The following FBXO34 variants were observed in gnomAD, a reference collection of about 807,000 sequenced individuals.
FBXO34 encodes F-box only protein 34.
FBXO34 carries 12 observed loss-of-function variants against 24.5 expected under a neutral mutation model. The observed-to-expected ratio is 0.49, with a 90% CI of 0.31 to 0.79. The LOEUF is 0.79. FBXO34 is among the 30% of genes least tolerant of loss of function. The pLI, the probability that FBXO34 is intolerant of heterozygous loss-of-function variation, is 0.04. For missense variants in FBXO34, 823 were observed against 857.7 expected (o/e 0.96, Z 0.51); for synonymous variants, 320 against 311.9 (o/e 1.03, Z -0.27).
rs35698574 is a variant in FBXO34, at chr14:55,331,761, GTATA to G, written c.-10-18605_-10-18602del. Among the ~76,000 whole-genome samples the G allele has an allele frequency of 3.0e-4, 9 of 29,998 alleles. 1 individual carries two copies. In the African/African-American group the frequency reaches 3.7e-3, roughly 12 times the overall value. 19.7% of individuals were successfully genotyped at this position (29,998 alleles called of 152,430 possible). ...TATATGTGTGTATATATATATATAT[GTATA>G]TATATATATATATACCACCATGGTG... On this transcript the variant is annotated intron_variant, in intron 1 of 1. Transcript: ENST00000313833.
intron 1 of FBXO34, chr14:55,318,045 C>T (rs1469218849): frequency 6.6e-6 from 1 of 152,010 alleles, no homozygotes; most frequent in Non-Finnish European, 1.5e-5. Context: ...TTCCCTGATG[C>T]TTACCTTAGG....
chr14:55,362,233 G>A (rs1011242542), downstream of FBXO34, among the ~76,000 whole-genome samples: 7 of 152,200 alleles, frequency 4.6e-5, no homozygotes, highest in Non-Finnish European at 8.8e-5. Flanking sequence ...GGAACAGGAG[G>A]TCAGTGTAGC....
intron 1 of FBXO34, among the ~76,000 whole-genome samples, chr14:55,329,212 A>G (rs150651502): frequency 6.9e-6 from 1 of 145,196 alleles, no homozygotes; most frequent in East Asian, 2.0e-4. Flanking sequence ...AATTGTTTCA[A>G]TTTAATTTTA....
downstream of FBXO34, among the ~76,000 whole-genome samples, chr14:55,372,314 C>G (rs1884837929): frequency 6.6e-6 from 1 of 152,130 alleles, no homozygotes; most frequent in East Asian, 1.9e-4. Flanking sequence ...CCTCCTCTTG[C>G]TGGAGAGCTG....
At chr14:55,289,500 G>A (rs17672950) in intron 1 of FBXO34, among the ~76,000 whole-genome samples, 8,832 of 151,944 alleles carry the variant, frequency 0.058, 326 homozygotes, top group South Asian at 0.089. Context: ...CTATTCTTCC[G>A]GTATACGATT....
rs577316123 is a variant in FBXO34, at chr14:55,341,090, G to A, written c.-10-9291G>A. ...CGATAAGTATAGGGATCACTGCAGC[G>A]GGGTCTTGCAGCAAAGGAAAGAGGT... On this transcript the variant is annotated intron_variant, in intron 1 of 1. Transcript: ENST00000313833. Among the ~76,000 whole-genome samples, 5 of 152,244 alleles carry A rather than the reference G, an allele frequency of 3.3e-5. No homozygotes were observed. The East Asian group carries it at 5.8e-4, about 18-fold the overall frequency.
At chr14:55,310,187 A>T (rs1044052338) in intron 1 of FBXO34, among the ~76,000 whole-genome samples, 2 of 152,152 alleles carry the variant, frequency 1.3e-5, no homozygotes, top group Non-Finnish European at 2.9e-5. Flanking sequence ...TAGAATGGAG[A>T]AGAGATTAGT....
At chr14:55,283,978 G>T (rs9743948) in intron 1 of FBXO34, among the ~76,000 whole-genome samples, 24 of 140,400 alleles carry the variant, frequency 1.7e-4, no homozygotes, top group African/African-American at 8.1e-5. Context: ...GTGTGTGTCT[G>T]TGTGTGTGTG....
chr14:55,408,311 T>G, the FBXO34 span, among the ~76,000 whole-genome samples: 1 of 151,952 alleles, frequency 6.6e-6, no homozygotes, highest in East Asian at 1.9e-4. Context: ...AAAAACTAGT[T>G]AGGCGTGTTG....
At chr14:55,411,690 G>T in the FBXO34 span, 1 of 1,613,158 alleles carries the variant, frequency 6.2e-7, no homozygotes, top group Non-Finnish European at 8.5e-7. Flanking sequence ...GTGTTGCACA[G>T]CGGGCAGCGC....
the FBXO34 span, among the ~76,000 whole-genome samples, chr14:55,429,761 C>T: frequency 2.0e-4 from 22 of 107,808 alleles, no homozygotes; most frequent in African/African-American, 8.0e-4. Context: ...AGTGAAACTC[C>T]GTCTCAAAAA....
intron 1 of FBXO34, among the ~76,000 whole-genome samples, chr14:55,302,605 C>T (rs1302005577): frequency 6.6e-6 from 1 of 151,726 alleles, no homozygotes; most frequent in African/African-American, 2.4e-5. Context: ...TTATCTTGTT[C>T]GGGGGCAGGG....
At chr14:55,299,156 C>T (rs1882251907) in intron 1 of FBXO34, 20 of 1,129,360 alleles carry the variant, frequency 1.8e-5, no homozygotes, top group African/African-American at 3.1e-5. Flanking sequence ...TGCTGGAAGT[C>T]AGTGGCCCCG....
the FBXO34 span, among the ~76,000 whole-genome samples, chr14:55,381,577 T>G: frequency 3.3e-5 from 5 of 152,340 alleles, no homozygotes; most frequent in Non-Finnish European, 7.3e-5. Flanking sequence ...TAAAAACGAA[T>G]GAAACACTAA....
chr14:55,408,172 G>C, the FBXO34 span, among the ~76,000 whole-genome samples: 7 of 152,170 alleles, frequency 4.6e-5, no homozygotes, highest in Non-Finnish European at 2.9e-5. Context: ...CTTGCTCAGG[G>C]CCAGGCATGG....
At chr14:55,376,013 A>G in the FBXO34 span, among the ~76,000 whole-genome samples, 1 of 152,218 alleles carries the variant, frequency 6.6e-6, no homozygotes, top group African/African-American at 2.4e-5. Context: ...TCTCTTTGGC[A>G]TCTATCAGGT....
chr14:55,383,597 C>A, the FBXO34 span, among the ~76,000 whole-genome samples: 46,356 of 148,564 alleles, frequency 0.31, 7,371 homozygotes, highest in Non-Finnish European at 0.34. Flanking sequence ...ACAAAAAAAA[C>A]CCCCAAGAAC....
At chr14:55,431,804 T>C in the FBXO34 span, among the ~76,000 whole-genome samples, 1 of 152,216 alleles carries the variant, frequency 6.6e-6, no homozygotes, top group Non-Finnish European at 1.5e-5. Flanking sequence ...CCAATTAATA[T>C]AAATTCAGTC....
In FBXO34 at chr14:55,351,691, G is replaced by T. The variant is rs1467543611; in HGVS notation, c.1301G>T (p.Cys434Phe). The T allele has an allele frequency of 1.9e-6, 3 of 1,614,228 alleles. No individual in the cohort carries two copies. Among genetic ancestry groups the T allele is most frequent in the Non-Finnish European group, 2.5e-6 (3 of 1,180,044 alleles). The change falls in exon 2 of 2, where the codon TGT becomes TTT. Residue 434 changes from cysteine to phenylalanine, a missense_variant. Coordinates refer to ENST00000313833, the MANE Select transcript of FBXO34 (RefSeq NM_017943.4). ...GAATTGCCCACAGATGCTGTTGATT[G>T]TATGAGCAGAGAGCTTGTGTCCCTT... ...ASELPTDAVD[C>F]MSRELVSLTS...
Sources: allele counts gnomAD v4.1 joint callset (sites outside exome capture counted in the v4.1 genomes callset), GRCh38; gene constraint gnomAD v4.1.1; transcripts MANE v1.5; gene names NCBI Gene and HGNC (gene_info 2026-07-23, HGNC 2026-07-21).